Variants in PDE1C observed in about 807,000 individuals in gnomAD.
PDE1C encodes phosphodiesterase 1C.
A neutral mutation model predicts 93.1 loss-of-function variants in PDE1C; 62 were observed. The observed-to-expected ratio is 0.67, with a 90% CI of 0.54 to 0.82. PDE1C has a LOEUF of 0.82. Ranked by LOEUF, PDE1C falls within the 40% of genes least tolerant of loss-of-function variation. The pLI, the probability that PDE1C is intolerant of heterozygous loss-of-function variation, is 0.00. For missense variants in PDE1C, 742 were observed against 884.6 expected, an observed-to-expected ratio of 0.84 and a Z score of 2.04; for synonymous variants, 325 against 310.1, an observed-to-expected ratio of 1.05 and a Z score of -0.50.
chr7:31,638,179 A>G, the PDE1C span, among the ~76,000 whole-genome samples: 1 of 152,232 alleles, frequency 6.6e-6, no homozygotes, highest in African/African-American at 2.4e-5. Flanking sequence ...CACAGTTGAT[A>G]TAAGGAGGAA....
chr7:31,659,517 G>A, the PDE1C span, among the ~76,000 whole-genome samples: 14 of 152,174 alleles, frequency 9.2e-5, no homozygotes, highest in Non-Finnish European at 1.5e-4. Flanking sequence ...GCCAGATAGC[G>A]CAAGGGGTAG....
chr7:32,209,565 T>A (rs1478188408), intron 1 of PDE1C: 1 of 1,543,020 alleles, frequency 6.5e-7, no homozygotes. Context: ...AGGATGCAAT[T>A]TAAATAAATA....
intron 2 of PDE1C, among the ~76,000 whole-genome samples, chr7:32,032,720 C>T (rs895006902): frequency 6.6e-6 from 1 of 152,258 alleles, no homozygotes; most frequent in Non-Finnish European, 1.5e-5. Context: ...CACACCTATG[C>T]ACCAACCTGT....
intron 1 of PDE1C, among the ~76,000 whole-genome samples, chr7:32,353,839 A>G (rs1367200570): frequency 6.6e-6 from 1 of 152,178 alleles, no homozygotes; most frequent in Admixed American, 6.5e-5. Flanking sequence ...AGCTGAAATG[A>G]AAACATCCAC....
chr7:32,091,463 G>C (rs1386986460), intron 3 of PDE1C, among the ~76,000 whole-genome samples: 2 of 152,216 alleles, frequency 1.3e-5, no homozygotes, highest in African/African-American at 4.8e-5. Flanking sequence ...AGGGTGGTTA[G>C]AGTTGGCCTC....
chr7:31,794,029 TAGATAGATAGATAGAC>T (rs1459115993), intron 16 of PDE1C, among the ~76,000 whole-genome samples: 409 of 103,096 alleles, frequency 4.0e-3, no homozygotes, highest in East Asian at 0.02. Context: ...GATAGATAGA[TAGATAGATAGATAGAC>T]AGACAGACAG....
chr7:32,407,318 T>C (rs1123893), intron 1 of PDE1C, among the ~76,000 whole-genome samples: 28,287 of 151,942 alleles, frequency 0.19, 2,979 homozygotes, highest in Non-Finnish European at 0.24. Context: ...AAGTTGTCAA[T>C]TGTGTTATAT....
intron 1 of PDE1C, among the ~76,000 whole-genome samples, chr7:32,240,350 C>G (rs1279622695): frequency 6.6e-6 from 1 of 152,170 alleles, no homozygotes; most frequent in African/African-American, 2.4e-5. Flanking sequence ...AGGCACTCTT[C>G]CATGTGCTAG....
intron 2 of PDE1C, among the ~76,000 whole-genome samples, chr7:32,186,102 T>G (rs867041858): frequency 0.021 from 3,097 of 147,862 alleles, 113 homozygotes; most frequent in African/African-American, 0.072. Flanking sequence ...TTTTTTTTTT[T>G]TTTTTTTTTT....
chr7:31,936,248 G>A (rs1434426903), intron 2 of PDE1C, among the ~76,000 whole-genome samples: 2 of 152,080 alleles, frequency 1.3e-5, no homozygotes, highest in Admixed American at 6.5e-5. Flanking sequence ...TATCATGTGG[G>A]TTGGGATAGA....
the PDE1C span, among the ~76,000 whole-genome samples, chr7:31,701,595 G>A: frequency 6.6e-6 from 1 of 152,192 alleles, no homozygotes; most frequent in Admixed American, 6.5e-5. Context: ...TCTGCTGTGA[G>A]TAAAATGCTC....
chr7:31,675,455 T>C, the PDE1C span, among the ~76,000 whole-genome samples: 2 of 152,242 alleles, frequency 1.3e-5, no homozygotes, highest in East Asian at 3.9e-4. Context: ...TTGTTGCTAA[T>C]AGCTGGCTTG....
At chr7:32,373,302 G>A (rs1385173563) in intron 1 of PDE1C, among the ~76,000 whole-genome samples, 2 of 152,228 alleles carry the variant, frequency 1.3e-5, no homozygotes, top group Non-Finnish European at 2.9e-5. Context: ...AGTACTGACT[G>A]ATACATGCTA....
chr7:32,065,981 C>T (rs770280752), intron 1 of PDE1C, among the ~76,000 whole-genome samples: 2 of 152,204 alleles, frequency 1.3e-5, no homozygotes, highest in African/African-American at 4.8e-5. Flanking sequence ...CCCAGGGATT[C>T]CCACTCCGTG....
At chr7:32,208,055 T>C (rs1372202618) in intron 2 of PDE1C, among the ~76,000 whole-genome samples, 1 of 152,236 alleles carries the variant, frequency 6.6e-6, no homozygotes, top group East Asian at 1.9e-4. Flanking sequence ...AAATAATGAT[T>C]CCAGGTAGGA....
chr7:31,632,494 C>T, the PDE1C span, among the ~76,000 whole-genome samples: 1 of 152,028 alleles, frequency 6.6e-6, no homozygotes, highest in African/African-American at 2.4e-5. Context: ...AGGATGGAAC[C>T]ATGGTCCCAA....
rs1370026260 is a variant in PDE1C, at chr7:32,341,179, T to TTATTTTTTTTTTTTTTA, written c.310+86642_310+86643insTAAAAAAAAAAAAAATA. On this transcript the variant is annotated intron_variant, in intron 1 of 1. Transcript: ENST00000672256. The stretch of plus-strand genomic sequence containing the variant: ...ACTACTCTAGAAATAAAGTCTTTTT[T>TTATTTTTTTTTTTTTTA]TTTTTTTTTTTTTTGAGACGGAGTC... Among the ~76,000 whole-genome samples the TTATTTTTTTTTTTTTTA allele has an allele frequency of 1.4e-3, 156 of 111,510 alleles. 4 individuals carry two copies. The highest frequency in any genetic ancestry group is 2.3e-3 in the Admixed American group (25 of 10,766). The allele number at this position is 111,510 out of a possible 152,430, so 73.2% of individuals were successfully genotyped here.
chr7:32,243,503 T>G (rs1007059744), intron 1 of PDE1C, among the ~76,000 whole-genome samples: 2 of 152,172 alleles, frequency 1.3e-5, no homozygotes. Context: ...CTAGGTAGAC[T>G]TAAAATGGTT....
At chr7:31,743,250 G>A in the PDE1C span, among the ~76,000 whole-genome samples, 3 of 152,244 alleles carry the variant, frequency 2.0e-5, no homozygotes, top group African/African-American at 7.2e-5. Context: ...ATAACATGAT[G>A]TAGCCCTTGC....
Sources: gnomAD v4.1 joint callset for allele counts (sites outside exome capture counted in the v4.1 genomes callset) on GRCh38, gnomAD v4.1.1 for gene constraint, MANE v1.5 for transcripts, NCBI Gene and HGNC (gene_info 2026-07-23, HGNC 2026-07-21) for gene names.